Variants in STIM1 observed in about 807,000 individuals in gnomAD.
The protein encoded by STIM1 is stromal interaction molecule 1.
Under a neutral mutation model 74.7 loss-of-function variants are expected in STIM1, and 25 were observed. The ratio of observed to expected loss-of-function variants is 0.33; its 90% CI spans 0.24 to 0.47. The LOEUF is 0.47. Ranked by LOEUF, STIM1 falls within the 20% of genes least tolerant of loss-of-function variation. STIM1 has a pLI of 1.00. For synonymous variants in STIM1, 328 were observed against 348.8 expected, an observed-to-expected ratio of 0.94 and a Z score of 0.66; for missense variants, 728 against 920.8, an observed-to-expected ratio of 0.79 and a Z score of 2.71.
chr11:4,015,601 G>A (rs892030837), intron 2 of STIM1, among the ~76,000 whole-genome samples: 4 of 152,176 alleles, frequency 2.6e-5, no homozygotes, highest in Non-Finnish European at 4.4e-5. Context: ...GCCTTGCTAG[G>A]TTGGGGAAGT....
chr11:3,972,886 C>CTTCTGCCTCCAAAGT (rs2093410085), intron 2 of STIM1: 2 of 491,326 alleles, frequency 4.1e-6, no homozygotes, highest in Admixed American at 4.2e-5. Flanking sequence ...GAATCCAGAG[C>CTTCTGCCTCCAAAGT]TTCTGCCTCC....
chr11:4,039,963 T>G (rs779087493), intron 3 of STIM1, among the ~76,000 whole-genome samples: 19 of 152,004 alleles, frequency 1.2e-4, no homozygotes, highest in Non-Finnish European at 2.6e-4. Flanking sequence ...GAGATGGGGT[T>G]TCATCATGTT....
rs764752031 is a variant in STIM1 at position 3,967,572 on chromosome 11, C to A, written c.160C>A (p.Pro54Thr). 1.9e-6 allele frequency: 3 copies of A among 1,614,130 alleles called. No individual in the cohort carries two copies. Among genetic ancestry groups the A allele is most frequent in the South Asian group, 2.2e-5 (2 of 91,070 alleles). ...CACAGAGTTTTGCCGAATTGACAAG[C>A]CCCTGTGTCACAGTGAGGATGAGAA... The part of the protein sequence containing the change: ...TAAEFCRIDK[P>T]LCHSEDEKLS... The change falls in exon 2 of 13, where the codon CCC becomes ACC. Residue 54 changes from proline (P) to threonine (T), a missense_variant. By Grantham distance (38) the Pro-to-Thr change is conservative. Around this residue, in one of 5 missense-constraint regions of STIM1, gnomAD observed 51 missense variants for 101.1 expected, o/e 0.50. Transcript: ENST00000526596.
chr11:3,857,747 G>A (rs533964952), intron 1 of STIM1, among the ~76,000 whole-genome samples: 23 of 152,288 alleles, frequency 1.5e-4, no homozygotes, highest in African/African-American at 5.3e-4. Flanking sequence ...TATAGGTCAT[G>A]GTGGCTGGGG....
chr11:3,981,607 G>A (rs1372933153), intron 2 of STIM1, among the ~76,000 whole-genome samples: 1 of 152,218 alleles, frequency 6.6e-6, no homozygotes, highest in East Asian at 1.9e-4. Flanking sequence ...TTGGACTTGT[G>A]AGTTCCCTGT....
At chr11:3,983,764 T>C (rs548677142) in intron 2 of STIM1, among the ~76,000 whole-genome samples, 1 of 152,316 alleles carries the variant, frequency 6.6e-6, no homozygotes, top group South Asian at 2.1e-4. Context: ...CTGGACCCAA[T>C]TCTGAACATA....
intron 3 of STIM1, among the ~76,000 whole-genome samples, chr11:4,039,355 G>A (rs1161279481): frequency 2.0e-5 from 3 of 152,074 alleles, no homozygotes; most frequent in Non-Finnish European, 4.4e-5. Context: ...TTGGGAGGCT[G>A]AGGCAGGTGG....
intron 6 of STIM1, among the ~76,000 whole-genome samples, chr11:4,072,496 G>T (rs928492336): frequency 6.6e-6 from 1 of 152,236 alleles, no homozygotes; most frequent in Non-Finnish European, 1.5e-5. Flanking sequence ...ACTGCTTAGA[G>T]CCAGGACTAA....
chr11:3,893,841 G>C (rs2091972482), intron 1 of STIM1, among the ~76,000 whole-genome samples: 1 of 152,100 alleles, frequency 6.6e-6, no homozygotes, highest in Non-Finnish European at 1.5e-5. Context: ...ATTTTTTGTA[G>C]AGATGGGGTC....
chr11:3,938,304 A>G (rs1163163269), intron 1 of STIM1, among the ~76,000 whole-genome samples: 1 of 152,118 alleles, frequency 6.6e-6, no homozygotes, highest in Non-Finnish European at 1.5e-5. Context: ...GTCTCTCCCT[A>G]GGAGAGCTTT....
intron 2 of STIM1, among the ~76,000 whole-genome samples, chr11:4,023,330 G>GACAA (rs74727994): frequency 0.28 from 42,456 of 150,768 alleles, 6,684 homozygotes; most frequent in East Asian, 0.47. Flanking sequence ...TCTGTCTCAA[G>GACAA]ACAAACAAAC....
chr11:3,955,674 A>G (rs993218457), intron 1 of STIM1, among the ~76,000 whole-genome samples: 1 of 152,086 alleles, frequency 6.6e-6, no homozygotes, highest in African/African-American at 2.4e-5. Context: ...TATTAAAGAA[A>G]AAATAAAACC....
At position 4,086,532 on chromosome 11, in the gene STIM1, G is replaced by A. The variant is rs747948099; in HGVS notation, c.1623G>A (p.Leu541=). ...RQRLTEPQHG[L]GSQRDLTHSD... is the part of the protein sequence containing the mutation. Reference sequence around the variant, plus strand: ...GCCTGACGGAGCCACAGCATGGCCTGGGATCTCAGAGGTTGGTAGAGGGCG... The same window carrying A: ...GCCTGACGGAGCCACAGCATGGCCTAGGATCTCAGAGGTTGGTAGAGGGCG... The change falls in exon 12 of 13, where the codon CTG becomes CTA. Residue 541 remains leucine, a synonymous_variant. Transcript: ENST00000526596. 5 of 1,614,168 alleles carry A rather than the reference G, an allele frequency of 3.1e-6. No homozygotes were observed. The South Asian group carries it at 5.5e-5, about 18-fold the overall frequency.
chr11:3,975,620 A>G (rs906138676), intron 2 of STIM1, among the ~76,000 whole-genome samples: 5 of 152,182 alleles, frequency 3.3e-5, no homozygotes, highest in Admixed American at 2.0e-4. Flanking sequence ...TCTGCCTCAA[A>G]AAAAAGAAGA....
At chr11:4,039,909 A>C (rs1358567023) in intron 3 of STIM1, among the ~76,000 whole-genome samples, 1 of 151,930 alleles carries the variant, frequency 6.6e-6, no homozygotes, top group Non-Finnish European at 1.5e-5. Flanking sequence ...CTGGGTTTGC[A>C]GGTGCCCACG....
At chr11:4,018,450 C>T (rs2093921505) in intron 2 of STIM1, among the ~76,000 whole-genome samples, 1 of 95,832 alleles carries the variant, frequency 1.0e-5, no homozygotes, top group Non-Finnish European at 2.0e-5. Context: ...CAGAGCGAGA[C>T]TCCGTCTCAA....
intron 1 of STIM1, among the ~76,000 whole-genome samples, chr11:3,905,426 T>G (rs1021421403): frequency 5.3e-5 from 8 of 151,586 alleles, no homozygotes; most frequent in African/African-American, 1.9e-4. Flanking sequence ...TGGTATAGGT[T>G]GTGGGGAGAA....
At chr11:3,949,117 A>T (rs1462781778) in intron 1 of STIM1, among the ~76,000 whole-genome samples, 2 of 152,218 alleles carry the variant, frequency 1.3e-5, no homozygotes, top group Non-Finnish European at 2.9e-5. Flanking sequence ...ATTGTGATAC[A>T]GAGAAGCACA....
At chr11:3,980,228 TA>T (rs1488115274) in intron 2 of STIM1, among the ~76,000 whole-genome samples, 1 of 152,224 alleles carries the variant, frequency 6.6e-6, no homozygotes, top group African/African-American at 2.4e-5. Context: ...CTCTGTGAAC[TA>T]GGTGTTATTA....
Sources: gnomAD v4.1 joint callset for allele counts (sites outside exome capture counted in the v4.1 genomes callset) on GRCh38, gnomAD v4.1.1 for gene constraint, gnomAD v4.1.1 regional missense constraint, MANE v1.5 for transcripts, NCBI Gene and HGNC (gene_info 2026-07-23, HGNC 2026-07-21) for gene names.